Variants in FAM47E observed in about 807,000 individuals in gnomAD.
FAM47E encodes the protein protein FAM47E.
In FAM47E, 32 loss-of-function variants were observed where a neutral mutation model predicts 41.6. The ratio of observed to expected loss-of-function variants is 0.77; its 90% CI spans 0.58 to 1.03. The LOEUF (loss-of-function observed/expected upper bound fraction) is 1.03, where lower values mean the gene tolerates loss of function less well. Among genes scored for constraint, FAM47E ranks in the 50% least tolerant of loss-of-function variants. FAM47E has a pLI of 0.00. For synonymous variants in FAM47E, 184 were observed against 188.7 expected, an observed-to-expected ratio of 0.98 and a Z score of 0.20; for missense variants, 424 against 485.4, an observed-to-expected ratio of 0.87 and a Z score of 1.19.
At chr4:76,268,948 A>C (rs1734765664) in intron 4 of FAM47E, 180 bp downstream of exon 4, 3 of 719,210 alleles carry the variant, frequency 4.2e-6, no homozygotes, top group Non-Finnish European at 6.2e-6. Flanking sequence ...ATTATGTATA[A>C]ATAGAAATAT....
In FAM47E at chr4:76,256,255, G is replaced by A; in HGVS notation, c.152G>A (p.Gly51Glu). ...CGGCAGTTGGTATTTCCAAGAAAGGGGCTGGACGACTTCAGGAAGGGCTGC... is the reference window on the plus strand; with the variant it reads ...CGGCAGTTGGTATTTCCAAGAAAGGAGCTGGACGACTTCAGGAAGGGCTGC... ...HSRQLVFPRK[G>E]LDDFRKGCPP... is the part of the protein sequence containing the mutation. The change falls in exon 2 of 8, where the codon GGG (glycine) becomes GAG (glutamate). Residue 51 changes from glycine to glutamate, a missense_variant. By Grantham distance (98) the Gly-to-Glu change is moderately conservative. Transcript: ENST00000424749. 3.9e-6 allele frequency: 6 copies of A among 1,551,694 alleles called. No homozygotes were observed. Among genetic ancestry groups the A allele is most frequent in the Non-Finnish European group, 4.4e-6 (5 of 1,146,994 alleles).
At chr4:76,271,820 G>A (rs1734904259) in intron 5 of FAM47E, 52 bp downstream of exon 5, 1 of 1,522,416 alleles carries the variant, frequency 6.6e-7, no homozygotes, top group Non-Finnish European at 8.8e-7. Context: ...AAGTTGTATT[G>A]AAGTCTTAAA....
chr4:76,218,870 G>C (rs959315214), intron 2 of FAM47E, among the ~76,000 whole-genome samples: 1 of 152,172 alleles, frequency 6.6e-6, no homozygotes, highest in Non-Finnish European at 1.5e-5. Flanking sequence ...TCTGCTACTT[G>C]TACATAGTAC....
chr4:76,237,340 G>A (rs1218081685), intron 2 of FAM47E, among the ~76,000 whole-genome samples: 8 of 142,862 alleles, frequency 5.6e-5, no homozygotes, highest in Non-Finnish European at 1.1e-4. Context: ...AGATGGTTGA[G>A]GGGCCTTAGA....
chr4:76,259,456 T>C (rs1734316974), intron 2 of FAM47E, among the ~76,000 whole-genome samples: 1 of 152,230 alleles, frequency 6.6e-6, no homozygotes, highest in African/African-American at 2.4e-5. Context: ...CTTTTTAAAA[T>C]CAGTGATATA....
At chr4:76,276,611 C>T (rs959489791) in intron 5 of FAM47E, among the ~76,000 whole-genome samples, 2 of 152,262 alleles carry the variant, frequency 1.3e-5, no homozygotes, top group African/African-American at 4.8e-5. Context: ...GATCCGCCCA[C>T]CTTGGCCTTC....
chr4:76,235,395 T>C (rs998247401), intron 2 of FAM47E, among the ~76,000 whole-genome samples: 41 of 152,180 alleles, frequency 2.7e-4, no homozygotes, highest in African/African-American at 8.4e-4. Flanking sequence ...CTAAGCTACC[T>C]GTCCTCACTA....
At chr4:76,238,874 T>C (rs1379392840) in intron 2 of FAM47E, among the ~76,000 whole-genome samples, 2 of 152,152 alleles carry the variant, frequency 1.3e-5, no homozygotes, top group African/African-American at 2.4e-5. Flanking sequence ...CAGAAGTCTT[T>C]CCATCTTGCA....
chr4:76,214,427 G>A lies in FAM47E; in HGVS notation c.-30+3G>A, dbSNP rs368794524. ...GGCATTTCACGGAGAAGGAAACGGT[G>A]AGCAAAGGCATTGGGGGTGAAAGAG... is the stretch of plus-strand genomic sequence containing the variant. On this transcript the variant is annotated splice_donor_region_variant and intron_variant, in intron 1 of 7. Coordinates refer to the FAM47E transcript ENST00000510197. The A allele has an allele frequency of 5.8e-5, 24 of 410,538 alleles. No homozygotes were observed. The East Asian group carries it at 7.5e-4, about 13-fold the overall frequency. 25.4% of individuals were successfully genotyped at this position (410,538 alleles called of 1,614,324 possible).
At chr4:76,263,213 A>G (rs779684661) in intron 2 of FAM47E, among the ~76,000 whole-genome samples, 4 of 152,178 alleles carry the variant, frequency 2.6e-5, no homozygotes, top group Non-Finnish European at 5.9e-5. Context: ...CTATTTCTTC[A>G]TGAATATGGT....
chr4:76,246,558 T>C (rs949030641), intron 2 of FAM47E, among the ~76,000 whole-genome samples: 4 of 152,092 alleles, frequency 2.6e-5, no homozygotes, highest in African/African-American at 9.7e-5. Context: ...TTGAATAACT[T>C]ACATAGTAAA....
At chr4:76,257,901 A>G (rs1018803048) in intron 2 of FAM47E, among the ~76,000 whole-genome samples, 6 of 151,768 alleles carry the variant, frequency 4.0e-5, no homozygotes, top group African/African-American at 7.3e-5. Context: ...TACCTGTCCT[A>G]TGGCGGACAC....
chr4:76,215,646 T>G (rs983863382), intron 1 of FAM47E, among the ~76,000 whole-genome samples: 2 of 152,174 alleles, frequency 1.3e-5, no homozygotes, highest in Non-Finnish European at 2.9e-5. Flanking sequence ...AGATCATAAA[T>G]GCCTTGCAAC....
chr4:76,225,236 C>T (rs572732563), intron 2 of FAM47E, among the ~76,000 whole-genome samples: 1 of 152,308 alleles, frequency 6.6e-6, no homozygotes, highest in Admixed American at 6.5e-5. Flanking sequence ...GTGTATTGTG[C>T]TGCTATAAAG....
intron 2 of FAM47E, among the ~76,000 whole-genome samples, chr4:76,258,008 C>T (rs1578779604): frequency 1.3e-5 from 2 of 152,324 alleles, no homozygotes; most frequent in South Asian, 4.1e-4. Flanking sequence ...TAATTTCTCT[C>T]TGGGGCTTTC....
At chr4:76,238,944 C>G (rs1328059404) in intron 2 of FAM47E, among the ~76,000 whole-genome samples, 1 of 152,170 alleles carries the variant, frequency 6.6e-6, no homozygotes, top group Non-Finnish European at 1.5e-5. Flanking sequence ...CAGGCAACCA[C>G]CATTTGACTA....
At chr4:76,223,866 G>A (rs1014271405) in intron 2 of FAM47E, among the ~76,000 whole-genome samples, 2 of 152,096 alleles carry the variant, frequency 1.3e-5, no homozygotes, top group African/African-American at 4.8e-5. Flanking sequence ...AGTCTCCCTG[G>A]ACTATTGAAG....
intron 7 of FAM47E, 157 bp from the exon 8 acceptor site, chr4:76,283,224 C>G: frequency 2.0e-6 from 1 of 502,128 alleles, no homozygotes; most frequent in South Asian, 2.9e-5. Context: ...AGACCAACAT[C>G]TATCATGGTC....
intron 2 of FAM47E, among the ~76,000 whole-genome samples, chr4:76,231,086 C>G (rs1733485457): frequency 6.6e-6 from 1 of 151,250 alleles, no homozygotes; most frequent in Non-Finnish European, 1.5e-5. Context: ...AAGCTGCATG[C>G]TAAGGTGAAA....
Sources: allele counts gnomAD v4.1 joint callset (sites outside exome capture counted in the v4.1 genomes callset), GRCh38; gene constraint gnomAD v4.1.1; transcripts MANE v1.5; gene names NCBI Gene and HGNC (gene_info 2026-07-23, HGNC 2026-07-21).